ANK3: variants seen among roughly 807,000 people sequenced by gnomAD.
ANK3 encodes the protein ankyrin 3.
A neutral mutation model predicts 370.9 loss-of-function variants in ANK3; 57 were observed. The ratio of observed to expected loss-of-function variants is 0.15; its 90% confidence interval spans 0.12 to 0.19. The LOEUF is 0.19. ANK3 is among the 10% of genes least tolerant of loss of function. The pLI is 1.00. For missense variants in ANK3, 4,439 were observed against 5,302.1 expected, an observed-to-expected ratio of 0.84 and a Z score of 5.06; for synonymous variants, 1,929 against 1,946.3, an observed-to-expected ratio of 0.99 and a Z score of 0.23.
chr10:60,382,283 G>T lies in ANK3; in HGVS notation c.114+7142C>A, dbSNP rs145462579. Among the ~76,000 whole-genome samples, 103 of 152,140 alleles carry T rather than the reference G, an allele frequency of 6.8e-4. 1 individual carries two copies. The highest frequency in any genetic ancestry group is 1.2e-3 in the Non-Finnish European group (80 of 68,008). On this transcript the variant is annotated intron_variant, in intron 1 of 43. Transcript: ENST00000280772. Reference sequence around the variant, plus strand: ...TTCTCCTGTGGTGATGGTATTAGTAGACTTTTTTTCTTCTGCCAAAAGGTA... The same window carrying T: ...TTCTCCTGTGGTGATGGTATTAGTATACTTTTTTTCTTCTGCCAAAAGGTA...
At chr10:60,414,206 G>A (rs2063615451) in intron 2 of ANK3, among the ~76,000 whole-genome samples, 1 of 152,086 alleles carries the variant, frequency 6.6e-6, no homozygotes, top group Admixed American at 6.5e-5. Flanking sequence ...TATTTATCAT[G>A]TAAAACATGC....
chr10:60,275,144 A>G (rs1348182720), intron 4 of ANK3, among the ~76,000 whole-genome samples: 2 of 152,202 alleles, frequency 1.3e-5, no homozygotes, highest in Admixed American at 1.3e-4. Flanking sequence ...GCTAAAAAGG[A>G]ATATATGGGT....
chr10:60,061,541 G>A (rs146153674), intron 40 of ANK3, among the ~76,000 whole-genome samples: 2 of 152,050 alleles, frequency 1.3e-5, no homozygotes, highest in African/African-American at 4.8e-5. Flanking sequence ...AATTTGATAA[G>A]ATGATCTATA....
chr10:60,073,251 A>G lies in ANK3; in HGVS notation c.7630T>C (p.Tyr2544His). The G allele has an allele frequency of 6.2e-7, 1 of 1,614,144 alleles. No homozygotes were observed. The highest frequency in any genetic ancestry group is 8.5e-7 in the Non-Finnish European group (1 of 1,180,018). The change falls in exon 37 of 44, where the codon TAT becomes CAT. Residue 2544 changes from tyrosine (Y) to histidine (H), a missense_variant. Tyr to His is a moderately conservative substitution (Grantham distance 83). Around this residue, in one of 13 missense-constraint regions of ANK3, gnomAD observed 1,601 missense variants for 1,731.7 expected, o/e 0.92. Transcript: ENST00000280772. ...TTTGGACTACTAACATTGCCAGAATAGTGCAACACTGTCACTTTATCAAAA... is the reference window on the plus strand; with the variant it reads ...TTTGGACTACTAACATTGCCAGAATGGTGCAACACTGTCACTTTATCAAAA... ...EHFDKVTVLHYSGNVSSPKHA... is the reference protein window; with the variant it reads ...EHFDKVTVLHHSGNVSSPKHA...
chr10:60,717,905 C>T (rs1355938667), intron 1 of ANK3, among the ~76,000 whole-genome samples: 1 of 152,174 alleles, frequency 6.6e-6, no homozygotes, highest in African/African-American at 2.4e-5. Context: ...CCCTCAGAAC[C>T]AGAAAAGGTA....
chr10:60,708,665 C>A (rs1038490194), intron 1 of ANK3, among the ~76,000 whole-genome samples: 3 of 152,138 alleles, frequency 2.0e-5, no homozygotes, highest in Non-Finnish European at 4.4e-5. Flanking sequence ...AGATCCTAAC[C>A]CACCTGAGGG....
chr10:60,180,614 C>CA (rs1565505994), intron 18 of ANK3, among the ~76,000 whole-genome samples: 19 of 75,204 alleles, frequency 2.5e-4, no homozygotes, highest in Middle Eastern at 6.8e-3. Context: ...AAAAAAAAAA[C>CA]CAAAAAAAAA....
intron 2 of ANK3, among the ~76,000 whole-genome samples, chr10:60,400,632 C>T (rs1228421069): frequency 6.6e-6 from 1 of 152,054 alleles, no homozygotes; most frequent in African/African-American, 2.4e-5. Context: ...GTGCAGTTTG[C>T]CTTTAGATTC....
upstream of ANK3, among the ~76,000 whole-genome samples, chr10:60,394,836 C>T (rs2063183228): frequency 6.6e-6 from 1 of 152,012 alleles, no homozygotes. Flanking sequence ...CAGATGACTT[C>T]GATGACAGTC....
chr10:60,596,071 C>A (rs552088312), intron 2 of ANK3, among the ~76,000 whole-genome samples: 3 of 152,198 alleles, frequency 2.0e-5, no homozygotes, highest in African/African-American at 7.2e-5. Context: ...TGTACAGCAT[C>A]CCTGCTAAGA....
intron 2 of ANK3, among the ~76,000 whole-genome samples, chr10:60,523,475 G>A (rs2076398411): frequency 6.9e-6 from 1 of 144,158 alleles, no homozygotes; most frequent in Non-Finnish European, 1.5e-5. Context: ...CCACCTATGA[G>A]TGAGAACATG....
chr10:60,552,141 T>C (rs1657669075), intron 2 of ANK3, among the ~76,000 whole-genome samples: 1 of 152,222 alleles, frequency 6.6e-6, no homozygotes. Flanking sequence ...GATAAGACTT[T>C]ATCAATTATA....
intron 2 of ANK3, among the ~76,000 whole-genome samples, chr10:60,463,679 T>TA (rs11374773): frequency 0.26 from 37,933 of 146,112 alleles, 5,322 homozygotes; most frequent in East Asian, 0.48. Context: ...CAATCTTGCT[T>TA]AAAAAAAAAA....
In ANK3 at chr10:60,635,524, T is replaced by C. The variant is rs545179689; in HGVS notation, c.58-20300A>G. On this transcript the variant is annotated intron_variant, in intron 1 of 43. Transcript: ENST00000373827. ...TCTGAACACCTTATCAGTTTGTACC[T>C]GATTTCATACAAGTGGTTCCAAGTC... Among the ~76,000 whole-genome samples the C allele has an allele frequency of 6.6e-5, 10 of 152,298 alleles. 2 individuals are homozygous for C. The South Asian group carries it at 2.1e-3, about 32-fold the overall frequency.
At chr10:60,679,636 G>A (rs79772763) in intron 1 of ANK3, among the ~76,000 whole-genome samples, 6,060 of 152,136 alleles carry the variant, frequency 0.04, 153 homozygotes, top group Middle Eastern at 0.072. Context: ...GCAGGCCACC[G>A]TGCATGCGGA....
At chr10:60,657,195 C>T (rs2078876548) in intron 1 of ANK3, among the ~76,000 whole-genome samples, 1 of 152,136 alleles carries the variant, frequency 6.6e-6, no homozygotes, top group South Asian at 2.1e-4. Flanking sequence ...GACTTATTCA[C>T]TATCACCAGA....
chr10:60,226,434 T>C (rs1177083199), intron 8 of ANK3, among the ~76,000 whole-genome samples: 2 of 114,782 alleles, frequency 1.7e-5, no homozygotes, highest in Admixed American at 9.9e-5. Context: ...CAACATATAA[T>C]ATATAACATA....
intron 24 of ANK3, among the ~76,000 whole-genome samples, chr10:60,135,457 G>A (rs762676749): frequency 1.6e-4 from 25 of 152,332 alleles, no homozygotes; most frequent in Non-Finnish European, 2.1e-4. Context: ...TTGGCTCCTC[G>A]GCAATGGGGT....
In ANK3 at chr10:60,261,943, C is replaced by T. The variant is rs759617627; in HGVS notation, c.714G>A (p.Pro238=). The T allele has an allele frequency of 8.1e-6, 13 of 1,613,488 alleles. No individual in the cohort carries two copies. The highest frequency in any genetic ancestry group is 1.6e-4 in the Middle Eastern group (1 of 6,076). ...TTCCATAGTGAGCAGCTATGTGGAGCGGAGTGAAGCCACTCTGTAAAGAAA... is the reference window on the plus strand; with the variant it reads ...TTCCATAGTGAGCAGCTATGTGGAGTGGAGTGAAGCCACTCTGTAAAGAAA... The part of the protein sequence containing the change: ...ADVESKSGFT[P]LHIAAHYGNI... Residue 238 remains proline (P), a synonymous_variant, in exon 7 of 44, where the codon CCG becomes CCA. Transcript: ENST00000280772.
Sources: allele counts gnomAD v4.1 joint callset (sites outside exome capture counted in the v4.1 genomes callset), GRCh38; gene constraint gnomAD v4.1.1; regional missense constraint gnomAD v4.1.1; transcripts MANE v1.5; gene names NCBI Gene and HGNC (gene_info 2026-07-23, HGNC 2026-07-21).